Variants in TSPAN9 observed in about 807,000 individuals in gnomAD.
The protein encoded by TSPAN9 is tetraspanin 9.
A neutral mutation model predicts 31.0 loss-of-function variants in TSPAN9; 16 were observed. The observed-to-expected ratio is 0.52, with a 90% confidence interval of 0.35 to 0.78. TSPAN9 has a LOEUF of 0.78. Among genes scored for constraint, TSPAN9 ranks in the 30% least tolerant of loss-of-function variants. The pLI, the probability that TSPAN9 is intolerant of heterozygous loss-of-function variation, is 0.01. For synonymous variants in TSPAN9, 145 were observed against 121.6 expected (o/e 1.19, Z -1.27); for missense variants, 272 against 312.5 (o/e 0.87, Z 0.98).
intron 3 of TSPAN9, among the ~76,000 whole-genome samples, chr12:3,219,179 G>T (rs1329503081): frequency 6.6e-6 from 1 of 152,208 alleles, no homozygotes; most frequent in Non-Finnish European, 1.5e-5. Flanking sequence ...GACAGCCTTG[G>T]GTGTCAGTCA....
chr12:3,132,845 G>A (rs564505137), intron 2 of TSPAN9, among the ~76,000 whole-genome samples: 1 of 151,844 alleles, frequency 6.6e-6, no homozygotes, highest in Non-Finnish European at 1.5e-5. Context: ...CGTCCCCACC[G>A]CCCGCCTGTC....
intron 3 of TSPAN9, among the ~76,000 whole-genome samples, chr12:3,217,969 A>G (rs1415960791): frequency 6.6e-6 from 1 of 152,112 alleles, no homozygotes; most frequent in Non-Finnish European, 1.5e-5. Context: ...GGAGCAACTG[A>G]AACACTGTAT....
chr12:3,175,574 G>A (rs1201306050), intron 2 of TSPAN9, among the ~76,000 whole-genome samples: 5 of 152,198 alleles, frequency 3.3e-5, no homozygotes, highest in East Asian at 3.9e-4. Flanking sequence ...CTGTGCTCAC[G>A]GGAGCCCAGA....
intron 2 of TSPAN9, among the ~76,000 whole-genome samples, chr12:3,109,328 T>TTGTG (rs1341732067): frequency 1.0e-5 from 1 of 95,248 alleles, no homozygotes; most frequent in Non-Finnish European, 2.1e-5. Flanking sequence ...GTGTGTGTGT[T>TTGTG]TGTGTGTGTA....
chr12:3,281,843 C>T lies in TSPAN9; in HGVS notation c.648+26C>T, dbSNP rs1334847144. 6 of 1,611,316 alleles carry T rather than the reference C, an allele frequency of 3.7e-6. No homozygotes were observed. The Admixed American group carries it at 8.3e-5, about 22-fold the overall frequency. ...GTAAGAGGGGCGTCCCCAGCAGCCT[C>T]ACCCACCCTGCTGGCCTCAGCCTCA... On this transcript the variant is annotated intron_variant, in intron 8 of 8. Transcript: ENST00000011898.
At chr12:3,136,054 A>T (rs550727701) in intron 2 of TSPAN9, among the ~76,000 whole-genome samples, 6 of 152,300 alleles carry the variant, frequency 3.9e-5, no homozygotes, top group African/African-American at 7.2e-5. Context: ...TAGCCTGTGC[A>T]GTTACTGAGG....
At chr12:3,179,848 CAG>C (rs1484247410) in intron 2 of TSPAN9, among the ~76,000 whole-genome samples, 1 of 152,156 alleles carries the variant, frequency 6.6e-6, no homozygotes, top group Non-Finnish European at 1.5e-5. Context: ...TTGACGGACT[CAG>C]AACACATTTC....
intron 2 of TSPAN9, among the ~76,000 whole-genome samples, chr12:3,096,043 C>T (rs902431263): frequency 2.6e-5 from 4 of 151,520 alleles, no homozygotes; most frequent in South Asian, 2.1e-4. Context: ...CGCTGCCTCC[C>T]GGGCGGCGCT....
intron 2 of TSPAN9, among the ~76,000 whole-genome samples, chr12:3,092,154 C>G (rs938740640): frequency 6.6e-6 from 1 of 152,190 alleles, no homozygotes; most frequent in Non-Finnish European, 1.5e-5. Context: ...ACTGAGGGCT[C>G]GCTAGCTTGA....
intron 3 of TSPAN9, among the ~76,000 whole-genome samples, chr12:3,221,116 G>A (rs2098384282): frequency 6.6e-6 from 1 of 151,980 alleles, no homozygotes; most frequent in Non-Finnish European, 1.5e-5. Flanking sequence ...TCAGCAGGTG[G>A]CCAAGACTTT....
chr12:3,278,451 A>C lies in TSPAN9; in HGVS notation c.94A>C (p.Ile32Leu). Residue 32 changes from isoleucine to leucine, a missense_variant, in exon 4 of 9, where the codon ATC becomes CTC. Coordinates refer to ENST00000011898, the MANE Select transcript of TSPAN9 (RefSeq NM_006675.5). The part of the protein sequence containing the change: ...LCGCGLLGVG[I>L]WLSVSQGNFA... ...TGGCTGTGGGCTGCTGGGAGTGGGC[A>C]TCTGGCTCTCCGTGTCCCAAGGCAA... is the stretch of plus-strand genomic sequence containing the variant. 6.2e-7 allele frequency: 1 copy of C among 1,614,166 alleles called. No homozygotes were observed. Among genetic ancestry groups the C allele is most frequent in the Non-Finnish European group, 8.5e-7 (1 of 1,180,024 alleles).
intron 3 of TSPAN9, among the ~76,000 whole-genome samples, chr12:3,271,927 G>A (rs987830246): frequency 6.6e-6 from 1 of 152,182 alleles, no homozygotes; most frequent in African/African-American, 2.4e-5. Flanking sequence ...AGCCAGGCAG[G>A]TTCATTACTA....
intron 3 of TSPAN9, among the ~76,000 whole-genome samples, chr12:3,265,462 G>A (rs1372931568): frequency 6.6e-6 from 1 of 152,184 alleles, no homozygotes; most frequent in Non-Finnish European, 1.5e-5. Flanking sequence ...CCTGTTTTGT[G>A]GAGATACAGG....
In TSPAN9 at chr12:3,121,533, C is replaced by CGTTTTTT. The variant is rs1426241959; in HGVS notation, c.-18+37814_-18+37815insGTTTTTT. Reference sequence around the variant, plus strand: ...TGCCACCATATCTGGCTAATTAAAACTTTTTTTTTTTTTTTTTTTTTTTTT... The same window carrying CGTTTTTT: ...TGCCACCATATCTGGCTAATTAAAACGTTTTTTTTTTTTTTTTTTTTTTTTTTTTTTT... On this transcript the variant is annotated intron_variant, in intron 2 of 8. Transcript: ENST00000011898. 1.3e-4 allele frequency among the ~76,000 whole-genome samples: 12 copies of CGTTTTTT among 92,926 alleles called. 3 individuals carry two copies. The highest frequency in any genetic ancestry group is 1.7e-4 in the African/African-American group (4 of 23,488). The allele number at this position is 92,926 out of a possible 152,430, so 61.0% of individuals were successfully genotyped here.
Position 3,283,514 on chromosome 12 carries a change from C to T in TSPAN9, c.*398C>T, listed in dbSNP as rs992595214. 3.0e-5 allele frequency: 5 copies of T among 167,038 alleles called. No homozygotes were observed. The highest frequency in any genetic ancestry group is 6.4e-5 in the Non-Finnish European group (5 of 78,292). 10.3% of individuals were successfully genotyped at this position (167,038 alleles called of 1,614,324 possible). A position where few individuals can be genotyped will look rare whatever the true frequency, so the allele number is the denominator to read the frequency against. ...GGAGATACCGCCCCAGCGGGGGCTGCGACATCCATGGCCACCATGGGGCAC... is the reference window on the plus strand; with the variant it reads ...GGAGATACCGCCCCAGCGGGGGCTGTGACATCCATGGCCACCATGGGGCAC... On this transcript the variant is annotated 3_prime_UTR_variant, in exon 9 of 9. Coordinates refer to ENST00000011898, the MANE Select transcript of TSPAN9 (RefSeq NM_006675.5).
chr12:3,210,640 C>T (rs2098378153), intron 3 of TSPAN9, among the ~76,000 whole-genome samples: 3 of 151,824 alleles, frequency 2.0e-5, no homozygotes. Flanking sequence ...TCTTGGTAAA[C>T]AGAAATTCTT....
intron 2 of TSPAN9, among the ~76,000 whole-genome samples, chr12:3,122,778 G>A (rs2098325735): frequency 6.6e-6 from 1 of 152,138 alleles, no homozygotes; most frequent in African/African-American, 2.4e-5. Flanking sequence ...TGTCCTTTCT[G>A]AATTAATTAA....
At chr12:3,224,051 G>T (rs983591096) in intron 3 of TSPAN9, among the ~76,000 whole-genome samples, 11 of 151,702 alleles carry the variant, frequency 7.3e-5, no homozygotes, top group Non-Finnish European at 7.4e-5. Context: ...AGATGGATTT[G>T]TGCTTCTTTA....
chr12:3,127,884 C>T (rs774205264), intron 2 of TSPAN9, among the ~76,000 whole-genome samples: 3 of 152,182 alleles, frequency 2.0e-5, no homozygotes, highest in South Asian at 4.1e-4. Flanking sequence ...CCTCCACCTT[C>T]GTATTAGCTG....
Sources: allele counts gnomAD v4.1 joint callset (sites outside exome capture counted in the v4.1 genomes callset), GRCh38; gene constraint gnomAD v4.1.1; transcripts MANE v1.5; gene names NCBI Gene and HGNC (gene_info 2026-07-23, HGNC 2026-07-21).